Variants in FOXO1 observed in about 807,000 individuals in gnomAD.
The protein encoded by FOXO1 is forkhead box O1.
Under a neutral mutation model 44.1 loss-of-function variants are expected in FOXO1, and 6 were observed. The observed-to-expected ratio is 0.14, with a 90% CI of 0.07 to 0.27. FOXO1 has a LOEUF of 0.27. Among genes scored for constraint, FOXO1 ranks in the 10% least tolerant of loss-of-function variants. FOXO1 has a pLI of 1.00. For synonymous variants in FOXO1, 380 were observed against 362.7 expected, an observed-to-expected ratio of 1.05 and a Z score of -0.54; for missense variants, 737 against 888.8, an observed-to-expected ratio of 0.83 and a Z score of 2.17.
intron 1 of FOXO1, among the ~76,000 whole-genome samples, chr13:40,636,573 G>A (rs1486356420): frequency 3.4e-5 from 5 of 147,622 alleles, no homozygotes; most frequent in Non-Finnish European, 5.9e-5. Flanking sequence ...CCAGGCTGGA[G>A]TGCAGTGGCA....
chr13:40,585,343 GCACACA>G lies in FOXO1; in HGVS notation c.631-24489_631-24484del, dbSNP rs1555248752. Among the ~76,000 whole-genome samples, 11 of 147,130 alleles carry G rather than the reference GCACACA, an allele frequency of 7.5e-5. No homozygotes were observed. In the East Asian group the frequency reaches 1.2e-3, roughly 16 times the overall value. On this transcript the variant is annotated intron_variant, in intron 1 of 2. Transcript: ENST00000379561. ...ATGTAAGTATTTCCTCTGCGCGCGC[GCACACA>G]CACACACACACACACACACACACAG...
chr13:40,648,143 G>A lies in FOXO1; in HGVS notation c.630+17440C>T, dbSNP rs117817537. On this transcript the variant is annotated intron_variant, in intron 1 of 2. Coordinates refer to ENST00000379561, the MANE Select transcript of FOXO1 (RefSeq NM_002015.4). ...TATTGGCTCAGTCAAAGAACCTACA[G>A]TAGAGGAAAGCCATATTGTGTTCCC... is the stretch of plus-strand genomic sequence containing the variant. Among the ~76,000 whole-genome samples, 147 of 152,302 alleles carry A rather than the reference G, an allele frequency of 9.7e-4. 2 individuals are homozygous for A. The East Asian group carries it at 0.024, about 25-fold the overall frequency.
At chr13:40,566,584 T>C (rs1448915731) in intron 1 of FOXO1, among the ~76,000 whole-genome samples, 10 of 152,082 alleles carry the variant, frequency 6.6e-5, no homozygotes, top group Non-Finnish European at 1.5e-4. Flanking sequence ...TTCACCATGT[T>C]GGCCAGGCTG....
intron 1 of FOXO1, among the ~76,000 whole-genome samples, chr13:40,605,842 A>G (rs1048896297): frequency 4.6e-5 from 7 of 152,154 alleles, no homozygotes; most frequent in African/African-American, 1.7e-4. Flanking sequence ...CACAAATTAT[A>G]CCAGTAATGC....
intron 1 of FOXO1, among the ~76,000 whole-genome samples, chr13:40,578,443 C>A (rs1214598351): frequency 1.3e-5 from 2 of 152,176 alleles, no homozygotes; most frequent in African/African-American, 4.8e-5. Context: ...AGATTCCCTG[C>A]AGCCAGCCTC....
Position 40,556,093 on chromosome 13 carries a change from T to C in FOXO1, c.*2956A>G, listed in dbSNP as rs1873739462. The C allele has an allele frequency of 6.6e-6, 1 of 152,260 alleles. No homozygotes were observed. Among genetic ancestry groups the C allele is most frequent in the African/African-American group, 2.4e-5 (1 of 41,466 alleles). 9.4% of individuals were successfully genotyped at this position (152,260 alleles called of 1,614,324 possible). ...ACTAAAACCAGAAAAGAAACTTCTC[T>C]TTTAAAATTAGTTATAAATTAAGAA... On this transcript the variant is annotated 3_prime_UTR_variant, in exon 3 of 3. Coordinates refer to ENST00000379561, the MANE Select transcript of FOXO1 (RefSeq NM_002015.4).
rs1873829885 is a variant in FOXO1, at chr13:40,558,169, G to GC, written c.*879dup. On this transcript the variant is annotated 3_prime_UTR_variant, in exon 3 of 3. Transcript: ENST00000379561. ...ATACAAAATGAAAATTATGAATGCT[G>GC]CCCCAAATACCTGTGGTTCCACAAA... 4 of 152,568 alleles carry GC rather than the reference G, an allele frequency of 2.6e-5. No homozygotes were observed. The highest frequency in any genetic ancestry group is 2.6e-4 in the Admixed American group (4 of 15,276). 9.5% of individuals were successfully genotyped at this position (152,568 alleles called of 1,614,324 possible). A position where few individuals can be genotyped will look rare whatever the true frequency, so the allele number is the denominator to read the frequency against.
intron 1 of FOXO1, among the ~76,000 whole-genome samples, chr13:40,584,304 C>T (rs1246618198): frequency 6.6e-6 from 1 of 151,794 alleles, no homozygotes; most frequent in Non-Finnish European, 1.5e-5. Flanking sequence ...CCCCCACTCA[C>T]CTACCTAGTC....
chr13:40,654,068 G>C (rs1877771732), intron 1 of FOXO1, among the ~76,000 whole-genome samples: 1 of 151,918 alleles, frequency 6.6e-6, no homozygotes. Flanking sequence ...TCACAGTTTT[G>C]CCCTTATCAG....
At chr13:40,607,513 T>G (rs1427822489) in intron 1 of FOXO1, among the ~76,000 whole-genome samples, 2 of 141,270 alleles carry the variant, frequency 1.4e-5, no homozygotes, top group Non-Finnish European at 3.0e-5. Context: ...AGTCAGGCAC[T>G]GTACTAGATG....
chr13:40,630,542 C>T (rs1348017043), intron 1 of FOXO1, among the ~76,000 whole-genome samples: 1 of 151,920 alleles, frequency 6.6e-6, no homozygotes, highest in Non-Finnish European at 1.5e-5. Context: ...GTAATCCCAG[C>T]TACTCGGAAG....
chr13:40,593,220 G>T (rs1302850473), intron 1 of FOXO1, among the ~76,000 whole-genome samples: 2 of 152,088 alleles, frequency 1.3e-5, no homozygotes, highest in Admixed American at 1.3e-4. Context: ...TAGAGACAGG[G>T]TCTCCCTATG....
chr13:40,633,171 G>C (rs892132889), intron 1 of FOXO1, among the ~76,000 whole-genome samples: 2 of 152,190 alleles, frequency 1.3e-5, no homozygotes, highest in Non-Finnish European at 2.9e-5. Context: ...ATGTAAAATG[G>C]TGCAGCCACT....
intron 1 of FOXO1, among the ~76,000 whole-genome samples, chr13:40,661,281 C>CT (rs879558738): frequency 0.027 from 3,887 of 146,172 alleles, 167 homozygotes; most frequent in African/African-American, 0.09. Flanking sequence ...AGGCTTTCTT[C>CT]TTTTTTTTTT....
chr13:40,619,838 G>A, intron 1 of FOXO1: 1 of 759,214 alleles, frequency 1.3e-6, no homozygotes, highest in Non-Finnish European at 2.5e-6. Context: ...TCGGGTGGCA[G>A]CTAACTCAGG....
At chr13:40,636,025 C>A (rs1464908582) in intron 1 of FOXO1, among the ~76,000 whole-genome samples, 2 of 152,170 alleles carry the variant, frequency 1.3e-5, no homozygotes, top group African/African-American at 4.8e-5. Context: ...GCCTGGCCAA[C>A]ATGATGAAAC....
rs1873719772 is a variant in FOXO1 at position 40,555,743 on chromosome 13, G to GA, written c.*3305dup. Reference sequence around the variant, plus strand: ...ATAAAGAGCTTATTCTGCATAATTAGAAAAGAAAGACACCAAGCCATTTAA... The same window carrying GA: ...ATAAAGAGCTTATTCTGCATAATTAGAAAAAGAAAGACACCAAGCCATTTAA... On this transcript the variant is annotated 3_prime_UTR_variant, in exon 3 of 3. Coordinates refer to ENST00000379561, the MANE Select transcript of FOXO1 (RefSeq NM_002015.4). The GA allele has an allele frequency of 6.6e-6, 1 of 152,632 alleles. No homozygotes were observed. The allele number at this position is 152,632 out of a possible 1,614,324, so 9.5% of individuals were successfully genotyped here. A position where few individuals can be genotyped will look rare whatever the true frequency, so the allele number is the denominator to read the frequency against.
At chr13:40,570,403 T>TACA (rs1386043426) in intron 1 of FOXO1, among the ~76,000 whole-genome samples, 1 of 152,004 alleles carries the variant, frequency 6.6e-6, no homozygotes, top group Non-Finnish European at 1.5e-5. Flanking sequence ...AGAGGTGCGT[T>TACA]ACAAGTAAAT....
chr13:40,605,225 T>C (rs1166628608), intron 1 of FOXO1, among the ~76,000 whole-genome samples: 2 of 152,138 alleles, frequency 1.3e-5, no homozygotes, highest in Non-Finnish European at 2.9e-5. Flanking sequence ...AACAAATGTT[T>C]ATAGAAGTAA....
Sources: gnomAD v4.1 joint callset for allele counts (sites outside exome capture counted in the v4.1 genomes callset) on GRCh38, gnomAD v4.1.1 for gene constraint, MANE v1.5 for transcripts, NCBI Gene and HGNC (gene_info 2026-07-23, HGNC 2026-07-21) for gene names.